CDH20: variants seen among roughly 807,000 people sequenced by gnomAD.
CDH20 encodes the protein cadherin-20.
Under a neutral mutation model 74.2 loss-of-function variants are expected in CDH20, and 29 were observed. The observed-to-expected ratio is 0.39, with a 90% CI of 0.29 to 0.53. The LOEUF is 0.53. CDH20 is among the 20% of genes least tolerant of loss of function. The probability of loss-of-function intolerance (pLI) is 0.69; values close to 1 mark genes in which losing one functional copy is unlikely to be tolerated. For synonymous variants in CDH20, 469 were observed against 405.4 expected (o/e 1.16, Z -1.88); for missense variants, 988 against 1,048.3 (o/e 0.94, Z 0.79).
intron 1 of CDH20, among the ~76,000 whole-genome samples, chr18:61,442,844 A>G (rs1909076910): frequency 6.6e-6 from 1 of 152,126 alleles, no homozygotes; most frequent in African/African-American, 2.4e-5. Flanking sequence ...GCAATGGCAC[A>G]CAGATCTGGC....
chr18:61,376,880 T>C (rs1599045160), intron 1 of CDH20, among the ~76,000 whole-genome samples: 1 of 152,108 alleles, frequency 6.6e-6, no homozygotes. Flanking sequence ...TGGTTATGTG[T>C]GGAGGGGAGG....
intron 11 of CDH20, among the ~76,000 whole-genome samples, chr18:61,551,565 G>A (rs1377197425): frequency 2.6e-5 from 4 of 152,164 alleles, no homozygotes; most frequent in African/African-American, 9.7e-5. Flanking sequence ...TCAGTCCTAC[G>A]TAAAGAGAGG....
intron 1 of CDH20, among the ~76,000 whole-genome samples, chr18:61,439,985 C>A (rs935681871): frequency 6.6e-6 from 1 of 152,176 alleles, no homozygotes; most frequent in African/African-American, 2.4e-5. Context: ...TTTTCTATGG[C>A]AAACTCTTAC....
intron 1 of CDH20, among the ~76,000 whole-genome samples, chr18:61,466,601 A>G (rs183733321): frequency 3.3e-5 from 5 of 152,254 alleles, no homozygotes; most frequent in Admixed American, 2.0e-4. Context: ...AAATCTCTCA[A>G]TGGTTTTTCC....
intron 1 of CDH20, among the ~76,000 whole-genome samples, chr18:61,341,923 T>C (rs1049797527): frequency 2.0e-5 from 3 of 152,164 alleles, no homozygotes; most frequent in Non-Finnish European, 2.9e-5. Context: ...TCCATAATAT[T>C]GGGAGCATTT....
chr18:61,432,996 T>C (rs552255652), intron 1 of CDH20, among the ~76,000 whole-genome samples: 7 of 152,202 alleles, frequency 4.6e-5, no homozygotes, highest in Non-Finnish European at 1.0e-4. Flanking sequence ...CATTTTAATG[T>C]ATCTTTCCCT....
intron 1 of CDH20, among the ~76,000 whole-genome samples, chr18:61,369,119 A>T (rs1412449880): frequency 6.6e-6 from 1 of 152,116 alleles, no homozygotes; most frequent in African/African-American, 2.4e-5. Flanking sequence ...ACCACTTATT[A>T]TGTAGGTCTA....
At chr18:61,515,205 C>T (rs1339194670) in intron 6 of CDH20, among the ~76,000 whole-genome samples, 7 of 152,236 alleles carry the variant, frequency 4.6e-5, no homozygotes, top group Middle Eastern at 3.4e-3. Context: ...TCTCGTGGTG[C>T]GCCATTTTTT....
chr18:61,356,686 C>G (rs759111907), intron 1 of CDH20, among the ~76,000 whole-genome samples: 4 of 152,096 alleles, frequency 2.6e-5, no homozygotes, highest in Non-Finnish European at 5.9e-5. Flanking sequence ...ATCCTTAAGG[C>G]AGGTGGCTTT....
At chr18:61,376,525 G>A (rs1911236864) in intron 1 of CDH20, among the ~76,000 whole-genome samples, 1 of 151,960 alleles carries the variant, frequency 6.6e-6, no homozygotes, top group Admixed American at 6.6e-5. Context: ...CAAAAAAGTT[G>A]CCTTTTATTG....
chr18:61,440,371 C>T (rs750866599), intron 1 of CDH20, among the ~76,000 whole-genome samples: 9 of 152,254 alleles, frequency 5.9e-5, no homozygotes, highest in East Asian at 1.9e-4. Context: ...CTAACCTCAA[C>T]GCTATCAGAG....
rs76718589 is a variant in CDH20, at chr18:61,426,325, T to C, written c.-152-64077T>C. Among the ~76,000 whole-genome samples the C allele has an allele frequency of 3.0e-3, 450 of 152,268 alleles. 2 individuals carry two copies. Among genetic ancestry groups the C allele is most frequent in the African/African-American group, 0.01 (431 of 41,556 alleles). On this transcript the variant is annotated intron_variant, in intron 1 of 11. Transcript: ENST00000262717. ...ACAACCAACTCTCCCTCAATCATTT[T>C]ATAAGAAATATAATACGGTGTACAA...
rs1248334877 is a variant in CDH20 at position 61,520,112 on chromosome 18, C to A, written c.1018-7855C>A. Among the ~76,000 whole-genome samples, 3 of 150,194 alleles carry A rather than the reference C, an allele frequency of 2.0e-5. No homozygotes were observed. The East Asian group carries it at 5.8e-4, about 29-fold the overall frequency. ...TGGGTGGATCACGAGGTCAGGAGAT[C>A]AAGACCATCCTGGCTAACACGATGA... On this transcript the variant is annotated intron_variant, in intron 6 of 11. Coordinates refer to ENST00000262717, the MANE Select transcript of CDH20 (RefSeq NM_031891.4).
At chr18:61,421,538 G>C (rs965149730) in intron 1 of CDH20, among the ~76,000 whole-genome samples, 1 of 151,984 alleles carries the variant, frequency 6.6e-6, no homozygotes, top group East Asian at 1.9e-4. Context: ...GGATTTGTGG[G>C]TCTCTTACAA....
chr18:61,398,716 G>GTTTGCT (rs1480732038), intron 1 of CDH20, among the ~76,000 whole-genome samples: 3 of 152,096 alleles, frequency 2.0e-5, no homozygotes, highest in African/African-American at 7.2e-5. Flanking sequence ...TTTCTGTTAG[G>GTTTGCT]TTTGCTTTTC....
In CDH20 at chr18:61,353,072, A is replaced by G. The variant is rs1484517994; in HGVS notation, c.-153+19245A>G. ...CCTTCACATGCTGTCCATAGCTTCT[A>G]TTTTATGGCTACCCTGGTCACCTCC... On this transcript the variant is annotated intron_variant, in intron 1 of 11. Coordinates refer to ENST00000262717, the MANE Select transcript of CDH20 (RefSeq NM_031891.4). The surrounding 1 kb of genome is among the most constrained non-coding windows in gnomAD (Gnocchi z 4.6). 6.6e-6 allele frequency among the ~76,000 whole-genome samples: 1 copy of G among 152,132 alleles called. No individual in the cohort carries two copies. The highest frequency in any genetic ancestry group is 1.5e-5 in the Non-Finnish European group (1 of 68,014).
At chr18:61,459,860 A>T (rs1909709321) in intron 1 of CDH20, among the ~76,000 whole-genome samples, 1 of 152,186 alleles carries the variant, frequency 6.6e-6, no homozygotes, top group African/African-American at 2.4e-5. Flanking sequence ...GAATGGTGCT[A>T]TACTGACAAC....
intron 2 of CDH20, among the ~76,000 whole-genome samples, chr18:61,493,425 G>A (rs1342717534): frequency 1.3e-5 from 2 of 152,146 alleles, no homozygotes; most frequent in South Asian, 4.1e-4. Context: ...GATTAAGAAA[G>A]CACTACAGTG....
At chr18:61,336,023 T>G (rs931138427) in intron 1 of CDH20, among the ~76,000 whole-genome samples, 1 of 152,202 alleles carries the variant, frequency 6.6e-6, no homozygotes, top group African/African-American at 2.4e-5. Flanking sequence ...ATGACCCAGT[T>G]CTCACCGGAA....
Sources: allele counts gnomAD v4.1 joint callset (sites outside exome capture counted in the v4.1 genomes callset), GRCh38; gene constraint gnomAD v4.1.1; non-coding constraint Gnocchi (gnomAD v3.1); transcripts MANE v1.5; gene names NCBI Gene and HGNC (gene_info 2026-07-23, HGNC 2026-07-21).